The following EPHA6 variants were observed in gnomAD, a reference collection of about 807,000 sequenced individuals.
EPHA6 encodes the protein EPH receptor A6, also known as ephrin type-A receptor 6.
In EPHA6, 50 loss-of-function variants were observed where a neutral mutation model predicts 112.0. The ratio of observed to expected loss-of-function variants is 0.45; its 90% CI spans 0.36 to 0.56. The LOEUF is 0.56. Ranked by LOEUF, EPHA6 falls within the 20% of genes least tolerant of loss-of-function variation. EPHA6 has a pLI of 0.00. For synonymous variants in EPHA6, 529 were observed against 490.7 expected (o/e 1.08, Z -1.03); for missense variants, 1,280 against 1,417.4 (o/e 0.90, Z 1.56).
In EPHA6 at chr3:97,106,424, A is replaced by T. The variant is rs562769646; in HGVS notation, c.1114+118431A>T. ...GCAAATTTTATTATAATATCTCCAA[A>T]AATAATAGTGAGCAAATATTGGTGG... On this transcript the variant is annotated intron_variant, in intron 3 of 17. Coordinates refer to ENST00000389672, the MANE Select transcript of EPHA6 (RefSeq NM_001080448.3). 3.9e-5 allele frequency among the ~76,000 whole-genome samples: 6 copies of T among 152,142 alleles called. No individual in the cohort carries two copies. In the East Asian group the frequency reaches 1.2e-3, roughly 29 times the overall value.
intron 5 of EPHA6, among the ~76,000 whole-genome samples, chr3:97,294,271 C>A (rs2080799810): frequency 6.6e-6 from 1 of 152,212 alleles, no homozygotes; most frequent in Non-Finnish European, 1.5e-5. Context: ...AGCCATGCCT[C>A]CCCCACTTCA....
At chr3:97,649,256 G>A (rs1013705913) in intron 14 of EPHA6, among the ~76,000 whole-genome samples, 8 of 152,020 alleles carry the variant, frequency 5.3e-5, no homozygotes, top group African/African-American at 1.7e-4. Flanking sequence ...AGCATTTGCA[G>A]GGGAACTCCC....
Position 96,958,181 on chromosome 3 carries a change from T to TTGGG in EPHA6, c.451-29145_451-29142dup, listed in dbSNP as rs1036490681. Among the ~76,000 whole-genome samples, 134 of 152,132 alleles carry TTGGG rather than the reference T, an allele frequency of 8.8e-4. 1 individual carries two copies. Among genetic ancestry groups the TTGGG allele is most frequent in the Middle Eastern group, 3.4e-3 (1 of 294 alleles). Reference sequence around the variant, plus strand: ...GGGGCATGCCTGTATTCCCAGCTACTTGGGTGGCTGAGGCAGTAGAATCAC... The same window carrying TTGGG: ...GGGGCATGCCTGTATTCCCAGCTACTTGGGTGGGTGGCTGAGGCAGTAGAATCAC... On this transcript the variant is annotated intron_variant, in intron 2 of 17. Transcript: ENST00000389672.
chr3:97,356,809 C>A lies in EPHA6; in HGVS notation c.1607-48341C>A, dbSNP rs78893868. ...TTACATCTGTTAGATCTAGTAGGTT[C>A]ATTGTGGTTTAAGCCCTATGTCCTT... is the stretch of plus-strand genomic sequence containing the variant. On this transcript the variant is annotated intron_variant, in intron 5 of 17. Coordinates refer to ENST00000389672, the MANE Select transcript of EPHA6 (RefSeq NM_001080448.3). 2.0e-5 allele frequency among the ~76,000 whole-genome samples: 3 copies of A among 152,158 alleles called. No homozygotes were observed. The East Asian group carries it at 5.8e-4, about 29-fold the overall frequency.
intron 15 of EPHA6, among the ~76,000 whole-genome samples, chr3:97,731,546 C>T (rs1003575508): frequency 6.6e-6 from 1 of 151,948 alleles, no homozygotes; most frequent in Non-Finnish European, 1.5e-5. Context: ...TTACTGTGAT[C>T]GAGAGGCTAC....
rs187280521 is a variant in EPHA6 at position 97,072,334 on chromosome 3, C to T, written c.1114+84341C>T. ...AGGTTCTTAAGGTGGACCCCAATCCCGTATGACTGGTGTCCTTATGAAAGA... is the reference window on the plus strand; with the variant it reads ...AGGTTCTTAAGGTGGACCCCAATCCTGTATGACTGGTGTCCTTATGAAAGA... On this transcript the variant is annotated intron_variant, in intron 3 of 17. Coordinates refer to ENST00000389672, the MANE Select transcript of EPHA6 (RefSeq NM_001080448.3). Among the ~76,000 whole-genome samples the T allele has an allele frequency of 1.4e-4, 21 of 152,100 alleles. No individual in the cohort carries two copies. In the East Asian group the frequency reaches 3.3e-3, roughly 24 times the overall value.
In EPHA6 at chr3:97,255,144, A is replaced by ATGTGTGTG. The variant is rs10631180; in HGVS notation, c.1606+10887_1606+10894dup. Among the ~76,000 whole-genome samples, 198 of 144,370 alleles carry ATGTGTGTG rather than the reference A, an allele frequency of 1.4e-3. 1 individual carries two copies. Among genetic ancestry groups the ATGTGTGTG allele is most frequent in the East Asian group, 4.7e-3 (23 of 4,898 alleles). 94.7% of individuals were successfully genotyped at this position (144,370 alleles called of 152,430 possible). On this transcript the variant is annotated intron_variant, in intron 5 of 17. Coordinates refer to ENST00000389672, the MANE Select transcript of EPHA6 (RefSeq NM_001080448.3). ...GAATTTTTCCAGAGGTACATCTTGG[A>ATGTGTGTG]TGTGTGTGTGTGTGTGTGTGTGTGT... is the stretch of plus-strand genomic sequence containing the variant.
At chr3:97,622,082 A>T (rs2093818606) in intron 13 of EPHA6, among the ~76,000 whole-genome samples, 1 of 151,874 alleles carries the variant, frequency 6.6e-6, no homozygotes, top group South Asian at 2.1e-4. Flanking sequence ...AAAATTTACC[A>T]TCTTAACCAT....
At chr3:97,710,223 T>C (rs2033896557) in intron 14 of EPHA6, among the ~76,000 whole-genome samples, 1 of 152,176 alleles carries the variant, frequency 6.6e-6, no homozygotes, top group African/African-American at 2.4e-5. Context: ...CTCTTTCCTA[T>C]TGAGTGTACT....
intron 2 of EPHA6, among the ~76,000 whole-genome samples, chr3:96,941,898 G>A (rs1476355394): frequency 2.8e-5 from 4 of 143,710 alleles, no homozygotes; most frequent in African/African-American, 1.2e-4. Flanking sequence ...CAGCAGCGGT[G>A]GCTGTAGAAC....
intron 5 of EPHA6, among the ~76,000 whole-genome samples, chr3:97,282,804 G>A (rs554748212): frequency 6.6e-6 from 1 of 152,276 alleles, no homozygotes; most frequent in South Asian, 2.1e-4. Context: ...CATGGACACA[G>A]GGAGGGGAAC....
At chr3:97,324,449 C>CTTTCTTTCTTTCTTTCTT (rs2082299234) in intron 5 of EPHA6, among the ~76,000 whole-genome samples, 4 of 145,212 alleles carry the variant, frequency 2.8e-5, no homozygotes, top group Admixed American at 7.0e-5. Flanking sequence ...TTCTTTCTTT[C>CTTTCTTTCTTTCTTTCTT]TTTCTTTCTT....
chr3:96,964,445 A>T (rs1477251778), intron 2 of EPHA6, among the ~76,000 whole-genome samples: 1 of 152,106 alleles, frequency 6.6e-6, no homozygotes. Context: ...TTTAATTTGT[A>T]TGTATTATTA....
intron 5 of EPHA6, among the ~76,000 whole-genome samples, chr3:97,301,690 C>T (rs2108719380): frequency 6.6e-6 from 1 of 152,186 alleles, no homozygotes; most frequent in Non-Finnish European, 1.5e-5. Flanking sequence ...TTTCTCCTTG[C>T]TACTCAGGAC....
intron 14 of EPHA6, among the ~76,000 whole-genome samples, chr3:97,681,883 C>T (rs1387867255): frequency 2.6e-5 from 4 of 152,030 alleles, no homozygotes; most frequent in African/African-American, 9.7e-5. Context: ...ACATGTTTTA[C>T]TCTACTTAGT....
rs571867819 is a variant in EPHA6, at chr3:97,052,519, C to T, written c.1114+64526C>T. On this transcript the variant is annotated intron_variant, in intron 3 of 17. Transcript: ENST00000389672. ...CCCTTAACAATGTCTGCAACATAGTCGCCACTCAATATTTGTTGACTAAGT... is the reference window on the plus strand; with the variant it reads ...CCCTTAACAATGTCTGCAACATAGTTGCCACTCAATATTTGTTGACTAAGT... Among the ~76,000 whole-genome samples the T allele has an allele frequency of 1.7e-3, 265 of 152,142 alleles. 1 individual carries two copies. Among genetic ancestry groups the T allele is most frequent in the Non-Finnish European group, 2.9e-3 (198 of 67,972 alleles).
At chr3:97,097,110 A>C (rs2047263439) in intron 3 of EPHA6, among the ~76,000 whole-genome samples, 1 of 151,820 alleles carries the variant, frequency 6.6e-6, no homozygotes, top group African/African-American at 2.4e-5. Context: ...AATGTAGTTT[A>C]AGCTGAAAGA....
At chr3:97,584,740 C>T (rs1387747364) in intron 11 of EPHA6, among the ~76,000 whole-genome samples, 4 of 152,056 alleles carry the variant, frequency 2.6e-5, no homozygotes, top group Non-Finnish European at 5.9e-5. Flanking sequence ...ATCATGAAGG[C>T]ATGGAGACAT....
rs576357987 is a variant in EPHA6, at chr3:97,387,924, G to C, written c.1607-17226G>C. ...ACTTACAGTCATAGCAGAAGGTGAA[G>C]GGGAAGCACATACATCTTCACATGG... On this transcript the variant is annotated intron_variant, in intron 5 of 17. Transcript: ENST00000389672. 7.9e-5 allele frequency among the ~76,000 whole-genome samples: 12 copies of C among 152,278 alleles called. No homozygotes were observed. The South Asian group carries it at 2.3e-3, about 29-fold the overall frequency.
Sources: gnomAD v4.1 joint callset for allele counts (sites outside exome capture counted in the v4.1 genomes callset) on GRCh38, gnomAD v4.1.1 for gene constraint, MANE v1.5 for transcripts, NCBI Gene and HGNC (gene_info 2026-07-23, HGNC 2026-07-21) for gene names.